GABRB1: variants seen among roughly 807,000 people sequenced by gnomAD.
The protein encoded by GABRB1 is gamma-aminobutyric acid receptor subunit beta-1.
In GABRB1, 17 loss-of-function variants were observed where a neutral mutation model predicts 51.6. That is an observed-to-expected ratio of 0.33 (90% CI 0.23 to 0.49). GABRB1 has a LOEUF of 0.49. Among genes scored for constraint, GABRB1 ranks in the 20% least tolerant of loss-of-function variants. GABRB1 has a pLI of 0.99. For synonymous variants in GABRB1, 247 were observed against 218.9 expected, an observed-to-expected ratio of 1.13 and a Z score of -1.14; for missense variants, 410 against 600.6, an observed-to-expected ratio of 0.68 and a Z score of 3.32.
intron 5 of GABRB1, among the ~76,000 whole-genome samples, chr4:47,401,430 C>A (rs1728379966): frequency 1.3e-5 from 2 of 152,168 alleles, no homozygotes; most frequent in African/African-American, 4.8e-5. Flanking sequence ...GGTGGTAATA[C>A]CCTTCCTTCT....
chr4:47,016,645 G>A (rs2109446227), intron 1 of GABRB1, among the ~76,000 whole-genome samples: 1 of 152,158 alleles, frequency 6.6e-6, no homozygotes, highest in Non-Finnish European at 1.5e-5. Context: ...CTGGAGTGCA[G>A]TGGCACAGTC....
At chr4:47,262,495 C>T (rs377023914) in intron 4 of GABRB1, among the ~76,000 whole-genome samples, 1 of 152,054 alleles carries the variant, frequency 6.6e-6, no homozygotes, top group Non-Finnish European at 1.5e-5. Flanking sequence ...CACAATGAGA[C>T]ACCATCTCAC....
At chr4:47,275,431 G>A (rs1047084530) in intron 4 of GABRB1, among the ~76,000 whole-genome samples, 1 of 152,032 alleles carries the variant, frequency 6.6e-6, no homozygotes, top group Non-Finnish European at 1.5e-5. Flanking sequence ...AGTGACTTTG[G>A]GCAAATTACA....
At chr4:47,295,505 T>C (rs1175654202) in intron 4 of GABRB1, among the ~76,000 whole-genome samples, 1 of 151,948 alleles carries the variant, frequency 6.6e-6, no homozygotes. Flanking sequence ...AGAAAGGGTA[T>C]CAGTGATGGA....
chr4:47,135,659 A>C (rs1716618341), intron 3 of GABRB1, among the ~76,000 whole-genome samples: 1 of 152,058 alleles, frequency 6.6e-6, no homozygotes, highest in African/African-American at 2.4e-5. Context: ...GCATCAGTCA[A>C]CCAGAGGTCT....
intron 4 of GABRB1, among the ~76,000 whole-genome samples, chr4:47,227,380 A>C (rs979722089): frequency 1.3e-5 from 2 of 152,138 alleles, no homozygotes; most frequent in Admixed American, 6.6e-5. Context: ...ACCATGTTCT[A>C]TACAGTTTAC....
chr4:47,252,753 C>G (rs1284744202), intron 4 of GABRB1, among the ~76,000 whole-genome samples: 1 of 151,870 alleles, frequency 6.6e-6, no homozygotes, highest in Non-Finnish European at 1.5e-5. Context: ...AGTGATCCAC[C>G]CAAAGTGGAG....
intron 4 of GABRB1, among the ~76,000 whole-genome samples, chr4:47,247,038 A>G (rs769960765): frequency 1.2e-4 from 18 of 151,740 alleles, no homozygotes; most frequent in Non-Finnish European, 2.4e-4. Context: ...TTAAGTCCCA[A>G]CCATTTATCT....
At chr4:47,331,621 T>G (rs1481908967) in intron 5 of GABRB1, among the ~76,000 whole-genome samples, 1 of 152,140 alleles carries the variant, frequency 6.6e-6, no homozygotes, top group Admixed American at 6.6e-5. Context: ...TTTTAAAATC[T>G]AAAGCTTTTA....
At chr4:47,127,291 T>C (rs1716193947) in intron 3 of GABRB1, among the ~76,000 whole-genome samples, 1 of 151,818 alleles carries the variant, frequency 6.6e-6, no homozygotes, top group South Asian at 2.1e-4. Context: ...AAACAGATTA[T>C]AACACATGCT....
intron 1 of GABRB1, among the ~76,000 whole-genome samples, chr4:47,004,679 G>C (rs1460078728): frequency 6.6e-6 from 1 of 152,072 alleles, no homozygotes; most frequent in Non-Finnish European, 1.5e-5. Flanking sequence ...CCAGACACTT[G>C]ATTTAAAAAA....
intron 5 of GABRB1, among the ~76,000 whole-genome samples, chr4:47,345,805 C>T (rs1702410759): frequency 6.6e-6 from 1 of 151,984 alleles, no homozygotes; most frequent in Non-Finnish European, 1.5e-5. Flanking sequence ...ATTCAGCATC[C>T]CAAAGGGAAA....
At chr4:47,333,231 TATATACA>T (rs2109977878) in intron 5 of GABRB1, among the ~76,000 whole-genome samples, 1 of 26,366 alleles carries the variant, frequency 3.8e-5, no homozygotes, top group Admixed American at 4.0e-4. Context: ...TATATATATA[TATATACA>T]CACCACGTAT....
At chr4:47,284,847 A>T (rs1298967684) in intron 4 of GABRB1, among the ~76,000 whole-genome samples, 1 of 152,246 alleles carries the variant, frequency 6.6e-6, no homozygotes, top group Non-Finnish European at 1.5e-5. Context: ...TAAAACTTAA[A>T]TCCTATAATG....
chr4:47,269,911 T>A (rs546154674), intron 4 of GABRB1, among the ~76,000 whole-genome samples: 1 of 146,364 alleles, frequency 6.8e-6, no homozygotes, highest in East Asian at 2.1e-4. Flanking sequence ...CCTGATGCTC[T>A]AAGGTGTCCT....
chr4:47,100,957 G>A (rs1714693017), intron 3 of GABRB1, among the ~76,000 whole-genome samples: 1 of 151,994 alleles, frequency 6.6e-6, no homozygotes, highest in South Asian at 2.1e-4. Context: ...AAATAGGACA[G>A]TATGTTGTCT....
chr4:47,169,830 C>G (rs1000254510), intron 4 of GABRB1, among the ~76,000 whole-genome samples: 3 of 151,926 alleles, frequency 2.0e-5, no homozygotes, highest in Admixed American at 1.3e-4. Flanking sequence ...CAAGTCTTCT[C>G]ACTCCAGAGT....
intron 5 of GABRB1, among the ~76,000 whole-genome samples, chr4:47,324,539 G>A (rs1260278311): frequency 6.6e-6 from 1 of 152,092 alleles, no homozygotes; most frequent in Non-Finnish European, 1.5e-5. Context: ...ATCTATATCT[G>A]TTGTCTATTG....
At chr4:47,368,018 C>A (rs1054596713) in intron 5 of GABRB1, among the ~76,000 whole-genome samples, 1 of 152,158 alleles carries the variant, frequency 6.6e-6, no homozygotes, top group Non-Finnish European at 1.5e-5. Context: ...ATAACTAGAA[C>A]CCTAAAGATG....
Sources: allele counts gnomAD v4.1 joint callset (sites outside exome capture counted in the v4.1 genomes callset), GRCh38; gene constraint gnomAD v4.1.1; transcripts MANE v1.5; gene names NCBI Gene and HGNC (gene_info 2026-07-23, HGNC 2026-07-21).